Variants in PDE6H observed in about 807,000 individuals in gnomAD.
The protein encoded by PDE6H is phosphodiesterase 6H.
In PDE6H, 11 loss-of-function variants were observed where a neutral mutation model predicts 9.2. That is an observed-to-expected ratio of 1.19 (90% CI 0.75 to 1.97). PDE6H has a LOEUF of 1.97. PDE6H is among the 30% of genes most tolerant of loss of function. The probability of loss-of-function intolerance (pLI) is 0.00; values close to 1 mark genes in which losing one functional copy is unlikely to be tolerated. For missense variants in PDE6H, 98 were observed against 101.5 expected (o/e 0.97, Z 0.15); for synonymous variants, 36 against 33.6 (o/e 1.07, Z -0.25).
Position 14,981,653 on chromosome 12 carries a change from T to C in PDE6H, c.*177T>C. ...CTTACTGTCAGAATCTCTCTTGCAG[T>C]ACAGCTCAAAATAGTGGATGCATTT... On this transcript the variant is annotated 3_prime_UTR_variant, in exon 4 of 4. Coordinates refer to ENST00000266395, the MANE Select transcript of PDE6H (RefSeq NM_006205.3). The C allele has an allele frequency of 1.5e-6, 1 of 662,016 alleles. No homozygotes were observed. Among genetic ancestry groups the C allele is most frequent in the Non-Finnish European group, 2.7e-6 (1 of 363,768 alleles). 41.0% of individuals were successfully genotyped at this position (662,016 alleles called of 1,614,324 possible). A position where few individuals can be genotyped will look rare whatever the true frequency, so the allele number is the denominator to read the frequency against.
intron 1 of PDE6H, among the ~76,000 whole-genome samples, chr12:14,974,405 T>C (rs12305014): frequency 0.44 from 66,517 of 152,100 alleles, 14,755 homozygotes; most frequent in African/African-American, 0.48. Context: ...ATTAGTCGAC[T>C]GTTCCGGTTA....
At chr12:14,977,832 C>T in intron 1 of PDE6H, 140 bp from the exon 2 acceptor site, 1 of 607,346 alleles carries the variant, frequency 1.6e-6, no homozygotes, top group South Asian at 2.0e-5. Context: ...AAGATGATAA[C>T]TTCTCCCCTT....
At chr12:14,976,066 C>T (rs1415952877) in intron 1 of PDE6H, among the ~76,000 whole-genome samples, 4 of 152,052 alleles carry the variant, frequency 2.6e-5, no homozygotes, top group Admixed American at 6.5e-5. Flanking sequence ...GTGATCCGCC[C>T]GCCTCGGCCT....
In PDE6H at chr12:14,981,479, T is replaced by C. The variant is rs746186300; in HGVS notation, c.*3T>C. ...TCGCTCAGTTTGGGATTATCTGAAG[T>C]GCCAGAGGTTCTGCCACTCTCAATG... On this transcript the variant is annotated 3_prime_UTR_variant, in exon 4 of 4. Coordinates refer to ENST00000266395, the MANE Select transcript of PDE6H (RefSeq NM_006205.3). 1 of 1,608,676 alleles carries C rather than the reference T, an allele frequency of 6.2e-7. No homozygotes were observed. Among genetic ancestry groups the C allele is most frequent in the Admixed American group, 1.7e-5 (1 of 60,024 alleles).
At chr12:14,980,786 C>T (rs10744079) in intron 3 of PDE6H, among the ~76,000 whole-genome samples, 69,347 of 152,036 alleles carry the variant, frequency 0.46, 16,106 homozygotes, top group African/African-American at 0.54. Flanking sequence ...CTCAGCTCTA[C>T]AACTATGTGG....
At chr12:14,979,301 GA>G in intron 3 of PDE6H, 82 bp downstream of exon 3, 1 of 878,830 alleles carries the variant, frequency 1.1e-6, no homozygotes, top group Non-Finnish European at 1.9e-6. Context: ...AGGGGCAGTT[GA>G]AAGTTATGAG....
chr12:14,978,731 C>T (rs1300008766), intron 2 of PDE6H, among the ~76,000 whole-genome samples: 1 of 152,112 alleles, frequency 6.6e-6, no homozygotes, highest in Non-Finnish European at 1.5e-5. Flanking sequence ...GAGGCTAAGA[C>T]CACTCAGAAA....
chr12:14,976,698 TA>T (rs1003292453), intron 1 of PDE6H, among the ~76,000 whole-genome samples: 266 of 150,986 alleles, frequency 1.8e-3, no homozygotes, highest in African/African-American at 6.3e-3. Flanking sequence ...TTGTCTCTCT[TA>T]AAAAAAAAGA....
intron 1 of PDE6H, among the ~76,000 whole-genome samples, chr12:14,975,966 G>A (rs1304619425): frequency 2.0e-5 from 3 of 151,752 alleles, no homozygotes; most frequent in African/African-American, 7.3e-5. Context: ...GACTACAGGT[G>A]CCCGCCACCA....
At chr12:14,981,278 C>G in intron 3 of PDE6H, 122 bp from the exon 4 acceptor site, 2 of 781,076 alleles carry the variant, frequency 2.6e-6, no homozygotes. Flanking sequence ...TAGGGAACTT[C>G]CCAGTCAGGG....
rs1217206222 is a variant in PDE6H, at chr12:14,981,368, T to C, written c.176-32T>C. 7.8e-6 allele frequency: 11 copies of C among 1,413,136 alleles called. 1 individual carries two copies. Among genetic ancestry groups the C allele is most frequent in the Non-Finnish European group, 1.1e-5 (11 of 997,670 alleles). 87.5% of individuals were successfully genotyped at this position (1,413,136 alleles called of 1,614,324 possible). ...TGAAGAAGCTCTCTTGGGGTGAGGTTGGCTTACGTGCTCTTCTTCCATCTC... is the reference window on the plus strand; with the variant it reads ...TGAAGAAGCTCTCTTGGGGTGAGGTCGGCTTACGTGCTCTTCTTCCATCTC... On this transcript the variant is annotated intron_variant, in intron 3 of 3. Transcript: ENST00000266395.
At chr12:14,977,919 A>G (rs879851378) in intron 1 of PDE6H, 53 bp from the exon 2 acceptor site, 2 of 1,225,736 alleles carry the variant, frequency 1.6e-6, no homozygotes, top group Admixed American at 1.9e-5. Context: ...TCTAATAACC[A>G]ATGGTCCCCA....
intron 1 of PDE6H, among the ~76,000 whole-genome samples, chr12:14,975,054 G>A (rs1250659008): frequency 2.6e-5 from 4 of 152,172 alleles, no homozygotes; most frequent in South Asian, 2.1e-4. Flanking sequence ...CCTAAGTCAC[G>A]TAGCCAGTTC....
intron 2 of PDE6H, among the ~76,000 whole-genome samples, chr12:14,978,365 C>T (rs959052205): frequency 1.3e-5 from 2 of 152,262 alleles, no homozygotes; most frequent in South Asian, 4.1e-4. Flanking sequence ...TTTAACATGG[C>T]AAATAGAGGC....
intron 2 of PDE6H, 101 bp downstream of exon 2, chr12:14,978,247 C>A: frequency 9.7e-7 from 1 of 1,028,104 alleles, no homozygotes; most frequent in East Asian, 2.6e-5. Context: ...AACAGACTTA[C>A]AAAAATTTCC....
chr12:14,978,720 C>T lies in PDE6H; in HGVS notation c.135-459C>T, dbSNP rs371593941. 9.9e-5 allele frequency among the ~76,000 whole-genome samples: 15 copies of T among 152,156 alleles called. No homozygotes were observed. The East Asian group carries it at 1.3e-3, about 14-fold the overall frequency. On this transcript the variant is annotated intron_variant, in intron 2 of 3. Coordinates refer to ENST00000266395, the MANE Select transcript of PDE6H (RefSeq NM_006205.3). ...TATTTATTTATTTGTATCTATTCTC[C>T]GAGGCTAAGACCACTCAGAAAATTT...
At chr12:14,981,266 G>A (rs924592432) in intron 3 of PDE6H, 134 bp from the exon 4 acceptor site, 37 of 764,648 alleles carry the variant, frequency 4.8e-5, no homozygotes, top group African/African-American at 4.1e-4. Flanking sequence ...ACAGGGCCAC[G>A]CTAGGGAACT....
intron 3 of PDE6H, among the ~76,000 whole-genome samples, chr12:14,980,587 C>A (rs1864667246): frequency 6.6e-6 from 1 of 152,180 alleles, no homozygotes; most frequent in Non-Finnish European, 1.5e-5. Context: ...AATGAATTTT[C>A]CAGCCATGTT....
intron 1 of PDE6H, among the ~76,000 whole-genome samples, chr12:14,977,757 T>C (rs551533327): frequency 3.3e-5 from 5 of 152,324 alleles, no homozygotes; most frequent in Non-Finnish European, 4.4e-5. Flanking sequence ...AGAAGGTAAG[T>C]TTCCATTCCA....
Sources: allele counts gnomAD v4.1 joint callset (sites outside exome capture counted in the v4.1 genomes callset), GRCh38; gene constraint gnomAD v4.1.1; transcripts MANE v1.5; gene names NCBI Gene and HGNC (gene_info 2026-07-23, HGNC 2026-07-21).